SLC25A26: variants seen among roughly 807,000 people sequenced by gnomAD.
SLC25A26 encodes the protein mitochondrial S-adenosylmethionine carrier protein.
In SLC25A26, 36 loss-of-function variants were observed where a neutral mutation model predicts 37.8. The ratio of observed to expected loss-of-function variants is 0.95; its 90% CI spans 0.73 to 1.26. The LOEUF (loss-of-function observed/expected upper bound fraction) is 1.26, where lower values mean the gene tolerates loss of function less well. Ranked by LOEUF, SLC25A26 falls within the 50% of genes most tolerant of loss-of-function variation. SLC25A26 has a pLI of 0.00. For synonymous variants in SLC25A26, 129 were observed against 122.5 expected (o/e 1.05, Z -0.35); for missense variants, 390 against 331.1 (o/e 1.18, Z -1.38).
At chr3:66,271,182 A>C (rs150205268) in intron 5 of SLC25A26, among the ~76,000 whole-genome samples, 61 of 152,282 alleles carry the variant, frequency 4.0e-4, no homozygotes, top group African/African-American at 1.4e-3. Flanking sequence ...ATCCCATGTG[A>C]AATGTCATCT....
At chr3:66,290,244 A>G (rs1264243618) in intron 5 of SLC25A26, among the ~76,000 whole-genome samples, 1 of 152,226 alleles carries the variant, frequency 6.6e-6, no homozygotes, top group Non-Finnish European at 1.5e-5. Flanking sequence ...CAAATGTACA[A>G]TTATGTCATC....
At chr3:66,370,350 G>A (rs371421171) in intron 8 of SLC25A26, among the ~76,000 whole-genome samples, 179 bp from the exon 9 acceptor site, 4 of 152,180 alleles carry the variant, frequency 2.6e-5, no homozygotes, top group Non-Finnish European at 2.9e-5. Context: ...CCTGCATATC[G>A]GAGTGTAAGC....
chr3:66,243,446 A>T, intron 3 of SLC25A26, 134 bp downstream of exon 3: 1 of 532,424 alleles, frequency 1.9e-6, no homozygotes, highest in Non-Finnish European at 3.3e-6. Flanking sequence ...ATGTAAATGG[A>T]TTAAATATGA....
At chr3:66,269,610 A>G (rs1389442788) in intron 5 of SLC25A26, among the ~76,000 whole-genome samples, 2 of 152,180 alleles carry the variant, frequency 1.3e-5, no homozygotes, top group East Asian at 3.8e-4. Flanking sequence ...CACCAGTTGG[A>G]TGTTTTCCAC....
At chr3:66,292,539 T>C (rs1174919591) in intron 5 of SLC25A26, among the ~76,000 whole-genome samples, 1 of 152,180 alleles carries the variant, frequency 6.6e-6, no homozygotes, top group African/African-American at 2.4e-5. Context: ...AAGGATTTTA[T>C]TTCTCCTTTG....
chr3:66,201,480 C>T (rs1264196913), intron 1 of SLC25A26, among the ~76,000 whole-genome samples: 1 of 151,972 alleles, frequency 6.6e-6, no homozygotes, highest in South Asian at 2.1e-4. Context: ...ACTATGGGCA[C>T]GTGCCACTAT....
chr3:66,234,642 A>G (rs2072189184), intron 1 of SLC25A26, among the ~76,000 whole-genome samples: 1 of 152,208 alleles, frequency 6.6e-6, no homozygotes, highest in Admixed American at 6.5e-5. Context: ...TGGATTTATC[A>G]TTAAAGTATT....
intron 6 of SLC25A26, among the ~76,000 whole-genome samples, chr3:66,360,979 C>A (rs963602252): frequency 6.6e-6 from 1 of 152,154 alleles, no homozygotes. Context: ...AAGACAAATA[C>A]TACCTGGTTT....
At chr3:66,339,482 C>T (rs915127542) in intron 5 of SLC25A26, among the ~76,000 whole-genome samples, 1 of 151,876 alleles carries the variant, frequency 6.6e-6, no homozygotes. Context: ...CCTTGCATAT[C>T]CCTTGTTCAC....
At chr3:66,371,327 A>C (rs1700334036) in intron 9 of SLC25A26, 1 of 1,549,128 alleles carries the variant, frequency 6.5e-7, no homozygotes, top group Admixed American at 2.0e-5. Flanking sequence ...CCTGATGCCG[A>C]GTTGGATCAC....
chr3:66,139,017 C>T (rs1010596957), intron 1 of SLC25A26, among the ~76,000 whole-genome samples: 1 of 152,036 alleles, frequency 6.6e-6, no homozygotes, highest in African/African-American at 2.4e-5. Flanking sequence ...ATTCAAATTG[C>T]TGCCCCACCC....
chr3:66,171,473 A>G (rs1404302424), intron 1 of SLC25A26, among the ~76,000 whole-genome samples: 8 of 152,232 alleles, frequency 5.3e-5, no homozygotes, highest in Middle Eastern at 3.4e-3. Flanking sequence ...ATTGCTTGCA[A>G]TGAAGGACCC....
At chr3:66,376,105 G>T (rs1448156484) in intron 9 of SLC25A26, among the ~76,000 whole-genome samples, 2 of 150,912 alleles carry the variant, frequency 1.3e-5, no homozygotes, top group Non-Finnish European at 2.9e-5. Context: ...GGAGCCTGAA[G>T]ATGTAAAGAA....
In SLC25A26 at chr3:66,207,721, C is replaced by T. The variant is rs918086096; in HGVS notation, c.-353-13021C>T. ...GAATACTTGAGAGACAAGATAGGCA[C>T]ACAGTATATATTTTAGAAATGTATT... is the stretch of plus-strand genomic sequence containing the variant. On this transcript the variant is annotated intron_variant, in intron 1 of 10. Coordinates refer to the SLC25A26 transcript ENST00000676754. Among the ~76,000 whole-genome samples the T allele has an allele frequency of 5.3e-5, 8 of 152,320 alleles. No individual in the cohort carries two copies. The East Asian group carries it at 1.3e-3, about 26-fold the overall frequency.
intron 5 of SLC25A26, among the ~76,000 whole-genome samples, chr3:66,286,154 G>T (rs1431709812): frequency 6.6e-6 from 1 of 152,130 alleles, no homozygotes; most frequent in Non-Finnish European, 1.5e-5. Context: ...TCTGTAACTT[G>T]TAATTTCTCT....
chr3:66,273,291 G>A (rs1476837632), intron 5 of SLC25A26, among the ~76,000 whole-genome samples: 1 of 152,092 alleles, frequency 6.6e-6, no homozygotes, highest in Non-Finnish European at 1.5e-5. Flanking sequence ...TTGGTATCAG[G>A]ATGATGCTGG....
At chr3:66,288,849 A>T (rs1028542847) in intron 5 of SLC25A26, among the ~76,000 whole-genome samples, 1 of 152,112 alleles carries the variant, frequency 6.6e-6, no homozygotes, top group East Asian at 1.9e-4. Context: ...CCCAGTAATG[A>T]GATTGCTGGG....
At chr3:66,325,536 A>G (rs552665015) in intron 5 of SLC25A26, among the ~76,000 whole-genome samples, 21 of 152,320 alleles carry the variant, frequency 1.4e-4, no homozygotes, top group African/African-American at 5.1e-4. Context: ...TCTAAGTAGG[A>G]CACCTGATCT....
chr3:66,311,230 T>G lies in SLC25A26; in HGVS notation c.454-35134T>G, dbSNP rs570769113. ...TCTCATCTTGTCGTCACACTTTATTTCATTAAGTTGATCTTCAGTCTCTGA... is the reference window on the plus strand; with the variant it reads ...TCTCATCTTGTCGTCACACTTTATTGCATTAAGTTGATCTTCAGTCTCTGA... On this transcript the variant is annotated intron_variant, in intron 5 of 9. Transcript: ENST00000354883. 6.8e-4 allele frequency among the ~76,000 whole-genome samples: 103 copies of G among 152,198 alleles called. 2 individuals are homozygous for G. In the South Asian group the frequency reaches 0.021, roughly 31 times the overall value.
Sources: gnomAD v4.1 joint callset for allele counts (sites outside exome capture counted in the v4.1 genomes callset) on GRCh38, gnomAD v4.1.1 for gene constraint, MANE v1.5 for transcripts, NCBI Gene and HGNC (gene_info 2026-07-23, HGNC 2026-07-21) for gene names.